PLA2G4D: variants seen among roughly 807,000 people sequenced by gnomAD.
PLA2G4D encodes phospholipase A2 group IVD.
PLA2G4D carries 80 observed loss-of-function variants against 94.4 expected under a neutral mutation model. The observed-to-expected ratio is 0.85, with a 90% CI of 0.71 to 1.02. The LOEUF (loss-of-function observed/expected upper bound fraction) is 1.02, where lower values mean the gene tolerates loss of function less well. PLA2G4D is among the 50% of genes least tolerant of loss of function. The pLI, the probability that PLA2G4D is intolerant of heterozygous loss-of-function variation, is 0.00. For missense variants in PLA2G4D, 1,050 were observed against 1,034.7 expected (o/e 1.01, Z -0.20); for synonymous variants, 438 against 440.9 (o/e 0.99, Z 0.08).
intron 13 of PLA2G4D, among the ~76,000 whole-genome samples, chr15:42,075,893 G>A (rs1353786963): frequency 2.1e-5 from 3 of 144,150 alleles, no homozygotes; most frequent in Non-Finnish European, 4.6e-5. Flanking sequence ...AGGAAAGGAA[G>A]GGAGGGAGGG....
In PLA2G4D at chr15:42,086,354, AG is replaced by A. The variant is rs763271051; in HGVS notation, c.256-11del. Reference sequence around the variant, plus strand: ...TAAGCTCCAGAACATTCTAGGAACCAGGAACAGCGACTTAGCATTTTACCTG... The same window carrying A: ...TAAGCTCCAGAACATTCTAGGAACCAGAACAGCGACTTAGCATTTTACCTG... On this transcript the variant is annotated splice_polypyrimidine_tract_variant and intron_variant, in intron 3 of 19. Coordinates refer to ENST00000290472, the MANE Select transcript of PLA2G4D (RefSeq NM_178034.4). 1.2e-6 allele frequency: 2 copies of A among 1,613,008 alleles called. No individual in the cohort carries two copies. The highest frequency in any genetic ancestry group is 2.2e-5 in the South Asian group (2 of 91,072).
chr15:42,087,091 GAGTC>G (rs1890164601), intron 3 of PLA2G4D, among the ~76,000 whole-genome samples: 1 of 152,138 alleles, frequency 6.6e-6, no homozygotes, highest in African/African-American at 2.4e-5. Context: ...CAGCTTGTGG[GAGTC>G]AGTCCCACAG....
At chr15:42,080,401 C>T (rs936166005) in intron 12 of PLA2G4D, among the ~76,000 whole-genome samples, 12 of 152,190 alleles carry the variant, frequency 7.9e-5, no homozygotes, top group African/African-American at 2.7e-4. Flanking sequence ...TGCTGCACCT[C>T]GTCATGCTGC....
Position 42,087,693 on chromosome 15 carries a change from G to C in PLA2G4D, c.53C>G (p.Ala18Gly), listed in dbSNP as rs1187131463. The C allele has an allele frequency of 2.5e-6, 4 of 1,613,970 alleles. No individual in the cohort carries two copies. The highest frequency in any genetic ancestry group is 1.3e-5 in the African/African-American group (1 of 74,924). The change falls in exon 2 of 20, where the codon GCC (alanine) becomes GGC (glycine). Residue 18 changes from alanine to glycine, a missense_variant. Transcript: ENST00000290472. ...CACTGTGAGCTGCCAGCAGGTAGAG[G>C]CCTCCCCCTGAAGAGAAAATCAAAC... ...GPPGHPYQGE[A>G]STCWQLTVRV...
intron 1 of PLA2G4D, among the ~76,000 whole-genome samples, chr15:42,093,412 T>G (rs185265730): frequency 3.3e-5 from 5 of 152,274 alleles, no homozygotes; most frequent in Admixed American, 3.3e-4. Flanking sequence ...GGGGAAATAT[T>G]CCAGAAGCCT....
At chr15:42,090,026 A>G (rs528007347) in intron 1 of PLA2G4D, among the ~76,000 whole-genome samples, 2 of 152,260 alleles carry the variant, frequency 1.3e-5, no homozygotes, top group African/African-American at 4.8e-5. Flanking sequence ...TGCCCAGAAC[A>G]TGGTATTATT....
intron 15 of PLA2G4D, 63 bp downstream of exon 15, chr15:42,071,711 A>AC: frequency 6.7e-7 from 1 of 1,493,788 alleles, no homozygotes; most frequent in Non-Finnish European, 9.1e-7. Flanking sequence ...GAGCTACAGG[A>AC]CCCATGTCCA....
intron 1 of PLA2G4D, among the ~76,000 whole-genome samples, chr15:42,088,864 C>T (rs1301536013): frequency 6.6e-6 from 1 of 152,072 alleles, no homozygotes; most frequent in Non-Finnish European, 1.5e-5. Flanking sequence ...CCTGCAGGGC[C>T]ACAGCATGGC....
Position 42,086,194 on chromosome 15 carries a change from T to TGGGGGGGGGGGCGCG in PLA2G4D, c.387+18_387+19insCGCGCCCCCCCCCCC. 7.3e-7 allele frequency: 1 copy of TGGGGGGGGGGGCGCG among 1,370,442 alleles called. No individual in the cohort carries two copies. Among genetic ancestry groups the TGGGGGGGGGGGCGCG allele is most frequent in the Non-Finnish European group, 9.6e-7 (1 of 1,043,084 alleles). 84.9% of individuals were successfully genotyped at this position (1,370,442 alleles called of 1,614,324 possible). On this transcript the variant is annotated intron_variant, in intron 4 of 19. Coordinates refer to ENST00000290472, the MANE Select transcript of PLA2G4D (RefSeq NM_178034.4). ...GGAAGAAGTGGGGCCCACGGGGACT[T>TGGGGGGGGGGGCGCG]CCCCACCCACCCACCCACCTGGGGA...
chr15:42,081,672 G>A, intron 10 of PLA2G4D, 58 bp from the exon 11 acceptor site: 2 of 1,610,242 alleles, frequency 1.2e-6, no homozygotes, highest in Non-Finnish European at 1.7e-6. Flanking sequence ...GCCACTGGCT[G>A]GCCAAGCCCA....
rs761594010 is a variant in PLA2G4D at position 42,081,788 on chromosome 15, G to A, written c.821+9C>T. 1 of 1,614,028 alleles carries A rather than the reference G, an allele frequency of 6.2e-7. No homozygotes were observed. Among genetic ancestry groups the A allele is most frequent in the Non-Finnish European group, 8.5e-7 (1 of 1,180,022 alleles). On this transcript the variant is annotated intron_variant, in intron 10 of 19. Coordinates refer to ENST00000290472, the MANE Select transcript of PLA2G4D (RefSeq NM_178034.4). ...TCTCACTGTCCCCACAGATGTGAATGTCCCTTACCAGCCCTCTGCCTTGAG... is the reference window on the plus strand; with the variant it reads ...TCTCACTGTCCCCACAGATGTGAATATCCCTTACCAGCCCTCTGCCTTGAG...
At chr15:42,087,190 T>C in intron 3 of PLA2G4D, 110 bp downstream of exon 3, 1 of 1,415,210 alleles carries the variant, frequency 7.1e-7, no homozygotes, top group Non-Finnish European at 9.8e-7. Flanking sequence ...GACCCCCTAC[T>C]GCTGAGAGTT....
At chr15:42,077,896 C>G (rs373504505) in intron 13 of PLA2G4D, among the ~76,000 whole-genome samples, 8 of 152,316 alleles carry the variant, frequency 5.3e-5, no homozygotes, top group Admixed American at 3.9e-4. Context: ...GGGCTTGACT[C>G]GAACTAGATT....
chr15:42,073,797 C>T (rs1019101736), intron 13 of PLA2G4D, among the ~76,000 whole-genome samples: 6 of 152,180 alleles, frequency 3.9e-5, no homozygotes, highest in African/African-American at 7.2e-5. Flanking sequence ...CCTACCCAGC[C>T]TACCCAAGGA....
At chr15:42,069,859 A>G (rs979382331) in intron 19 of PLA2G4D, 50 bp downstream of exon 19, 9 of 1,328,970 alleles carry the variant, frequency 6.8e-6, no homozygotes, top group Admixed American at 7.9e-5. Flanking sequence ...GGCCCAGGGC[A>G]GGCCTCTGAG....
intron 13 of PLA2G4D, among the ~76,000 whole-genome samples, 186 bp from the exon 14 acceptor site, chr15:42,072,578 C>G (rs1477106501): frequency 6.6e-6 from 1 of 152,166 alleles, no homozygotes; most frequent in Non-Finnish European, 1.5e-5. Flanking sequence ...GCCCTAGATG[C>G]AGGGTCGCTG....
intron 8 of PLA2G4D, among the ~76,000 whole-genome samples, chr15:42,082,822 A>T (rs1357149689): frequency 1.3e-5 from 2 of 152,168 alleles, no homozygotes; most frequent in African/African-American, 4.8e-5. Context: ...AGCACTTGGC[A>T]TATTGGAAAT....
intron 1 of PLA2G4D, 91 bp from the exon 2 acceptor site, chr15:42,087,791 C>A: frequency 2.3e-6 from 3 of 1,324,806 alleles, no homozygotes; most frequent in Non-Finnish European, 3.2e-6. Context: ...CCTCACCACT[C>A]TCCTGGTACT....
intron 6 of PLA2G4D, 28 bp downstream of exon 6, chr15:42,085,068 C>A (rs1890114557): frequency 6.2e-7 from 1 of 1,613,694 alleles, no homozygotes; most frequent in Non-Finnish European, 8.5e-7. Context: ...TCTGGGGCCC[C>A]TCCCCTAAGC....
Sources: allele counts gnomAD v4.1 joint callset (sites outside exome capture counted in the v4.1 genomes callset), GRCh38; gene constraint gnomAD v4.1.1; transcripts MANE v1.5; gene names NCBI Gene and HGNC (gene_info 2026-07-23, HGNC 2026-07-21).